The following MTUS2 variants were observed in gnomAD, a reference collection of about 807,000 sequenced individuals.
MTUS2 encodes microtubule associated scaffold protein 2.
In MTUS2, 40 loss-of-function variants were observed where a neutral mutation model predicts 114.1. That is an observed-to-expected ratio of 0.35 (90% CI 0.27 to 0.46). The LOEUF is 0.46. Among genes scored for constraint, MTUS2 ranks in the 20% least tolerant of loss-of-function variants. The pLI is 1.00. For synonymous variants in MTUS2, 688 were observed against 672.0 expected (o/e 1.02, Z -0.37); for missense variants, 1,679 against 1,705.4 (o/e 0.98, Z 0.27).
intron 9 of MTUS2, among the ~76,000 whole-genome samples, chr13:29,471,064 G>A (rs569705659): frequency 6.8e-4 from 104 of 152,110 alleles, no homozygotes; most frequent in Middle Eastern, 6.8e-3. Context: ...GCTTCCTGGC[G>A]GGGCGGGGTG....
At chr13:29,477,863 C>T (rs1880819604) in intron 9 of MTUS2, among the ~76,000 whole-genome samples, 1 of 152,084 alleles carries the variant, frequency 6.6e-6, no homozygotes, top group Admixed American at 6.6e-5. Context: ...TTTTCAGCAT[C>T]ACCATGTAAT....
chr13:28,897,301 C>T (rs944463799), intron 2 of MTUS2, among the ~76,000 whole-genome samples: 4 of 152,146 alleles, frequency 2.6e-5, no homozygotes, highest in Admixed American at 1.3e-4. Context: ...TGAAAAAATG[C>T]TCATCATCAC....
At chr13:28,963,056 AAT>A (rs1883403366) in intron 2 of MTUS2, among the ~76,000 whole-genome samples, 1 of 152,226 alleles carries the variant, frequency 6.6e-6, no homozygotes, top group Admixed American at 6.5e-5. Flanking sequence ...TTTTAATTGA[AAT>A]AGAGTATCTG....
intron 4 of MTUS2, among the ~76,000 whole-genome samples, chr13:29,067,969 T>G (rs1888738331): frequency 1.3e-5 from 2 of 152,214 alleles, no homozygotes; most frequent in Admixed American, 1.3e-4. Context: ...TGGCATCACC[T>G]CAGTGCCACT....
chr13:29,224,544 G>GT (rs1299735685), intron 5 of MTUS2, among the ~76,000 whole-genome samples: 1 of 151,540 alleles, frequency 6.6e-6, no homozygotes, highest in Non-Finnish European at 1.5e-5. Flanking sequence ...TCTATATGTT[G>GT]TTTTATAGCT....
intron 5 of MTUS2, among the ~76,000 whole-genome samples, chr13:29,209,188 G>A (rs1200373870): frequency 4.6e-5 from 7 of 151,896 alleles, no homozygotes; most frequent in Admixed American, 6.6e-5. Context: ...ATTCCTCTTC[G>A]TCTTTTTTAA....
At chr13:29,364,010 A>G (rs746143829) in intron 8 of MTUS2, among the ~76,000 whole-genome samples, 41 of 152,196 alleles carry the variant, frequency 2.7e-4, no homozygotes, top group Non-Finnish European at 7.3e-5. Flanking sequence ...GAGCCAAGAT[A>G]CAAATACAGG....
At chr13:29,099,413 G>A (rs780887459) in intron 4 of MTUS2, among the ~76,000 whole-genome samples, 3 of 152,118 alleles carry the variant, frequency 2.0e-5, no homozygotes, top group Non-Finnish European at 4.4e-5. Flanking sequence ...CTGGACACAC[G>A]GCTCTCCATA....
intron 8 of MTUS2, chr13:29,428,821 C>A: frequency 6.2e-7 from 1 of 1,613,792 alleles, no homozygotes; most frequent in Middle Eastern, 1.6e-4. Context: ...AAGGAGGTCC[C>A]CTTGCCAGCC....
rs532673295 is a variant in MTUS2 at position 29,445,864 on chromosome 13, T to C, written c.3184+5815T>C. ...CGGATGTTGCAGTGAGCCAAGATTG[T>C]GCCACTGCACTCCAGCCTGAGTGAC... On this transcript the variant is annotated intron_variant, in intron 9 of 15. Coordinates refer to ENST00000612955, the MANE Select transcript of MTUS2 (RefSeq NM_001033602.4). 5.6e-4 allele frequency among the ~76,000 whole-genome samples: 85 copies of C among 151,688 alleles called. 1 individual carries two copies. Among genetic ancestry groups the C allele is most frequent in the African/African-American group, 1.9e-3 (78 of 41,302 alleles).
chr13:29,315,708 T>G (rs1343575720), intron 6 of MTUS2, among the ~76,000 whole-genome samples: 1 of 152,114 alleles, frequency 6.6e-6, no homozygotes, highest in Non-Finnish European at 1.5e-5. Flanking sequence ...AGAGCAAGCA[T>G]GTGACTAATA....
At chr13:29,103,813 C>G (rs1301673820) in intron 5 of MTUS2, among the ~76,000 whole-genome samples, 1 of 152,160 alleles carries the variant, frequency 6.6e-6, no homozygotes, top group African/African-American at 2.4e-5. Context: ...ATGGTATTTG[C>G]AAAGTATAAT....
chr13:29,389,568 T>C (rs373822197), intron 8 of MTUS2, among the ~76,000 whole-genome samples: 1 of 52,152 alleles, frequency 1.9e-5, no homozygotes, highest in Non-Finnish European at 4.1e-5. Flanking sequence ...TGTATATGTG[T>C]ACATATGTGT....
chr13:28,876,626 G>T (rs1484142920), intron 2 of MTUS2, among the ~76,000 whole-genome samples: 1 of 152,188 alleles, frequency 6.6e-6, no homozygotes, highest in African/African-American at 2.4e-5. Flanking sequence ...CTCTTTGTGG[G>T]TCTTTGGCCT....
At chr13:29,305,635 G>A (rs899558702) in intron 6 of MTUS2, among the ~76,000 whole-genome samples, 9 of 152,060 alleles carry the variant, frequency 5.9e-5, no homozygotes, top group African/African-American at 1.9e-4. Context: ...TGAAACTGAG[G>A]CAGTAATAAA....
intron 5 of MTUS2, among the ~76,000 whole-genome samples, chr13:29,170,549 A>C (rs1893514234): frequency 6.6e-6 from 1 of 152,230 alleles, no homozygotes; most frequent in Non-Finnish European, 1.5e-5. Flanking sequence ...TTTATATAAA[A>C]ATGCTGAGTG....
chr13:29,181,417 G>T (rs1476503527), intron 5 of MTUS2, among the ~76,000 whole-genome samples: 4 of 152,196 alleles, frequency 2.6e-5, no homozygotes, highest in African/African-American at 9.7e-5. Context: ...CCTGCCCATT[G>T]TCACACTGGA....
chr13:29,170,398 A>T (rs1893506577), intron 5 of MTUS2, among the ~76,000 whole-genome samples: 1 of 152,236 alleles, frequency 6.6e-6, no homozygotes. Flanking sequence ...CTTAACGCCT[A>T]TTCAGAGTTT....
At position 29,026,441 on chromosome 13, in the gene MTUS2, G is replaced by T. The variant is rs755082113; in HGVS notation, c.1743G>T (p.Leu581Phe). Residue 581 changes from leucine (L) to phenylalanine (F), a missense_variant, in exon 3 of 16, where the codon TTG (leucine) becomes TTT (phenylalanine). By Grantham distance (22) the Leu-to-Phe change is conservative (BLOSUM62 0). This residue lies in a region of MTUS2 where 843 missense variants were observed against 770.8 expected (regional missense o/e 1.09). Coordinates refer to ENST00000612955, the MANE Select transcript of MTUS2 (RefSeq NM_001033602.4). The stretch of plus-strand genomic sequence containing the variant: ...CCCCTACTGATAGTGCACGCTTGTT[G>T]AACACGTCCCCCAAAGTGCCTGACA... Reference protein sequence around the residue: ...VPPPTDSARLLNTSPKVPDKN... With the variant: ...VPPPTDSARLFNTSPKVPDKN... The T allele has an allele frequency of 5.0e-6, 8 of 1,613,840 alleles. No individual in the cohort carries two copies. Among genetic ancestry groups the T allele is most frequent in the Admixed American group, 1.7e-5 (1 of 59,992 alleles).
Sources: allele counts gnomAD v4.1 joint callset (sites outside exome capture counted in the v4.1 genomes callset), GRCh38; gene constraint gnomAD v4.1.1; regional missense constraint gnomAD v4.1.1; transcripts MANE v1.5; gene names NCBI Gene and HGNC (gene_info 2026-07-23, HGNC 2026-07-21).